The following RERE variants were observed in gnomAD, a reference collection of about 807,000 sequenced individuals.
RERE encodes the protein arginine-glutamic acid dipeptide repeats.
In RERE, 40 loss-of-function variants were observed where a neutral mutation model predicts 146.1. The observed-to-expected ratio is 0.27, with a 90% CI of 0.21 to 0.36. The LOEUF (loss-of-function observed/expected upper bound fraction) is 0.36. RERE is among the 10% of genes least tolerant of loss of function. The pLI, the probability that RERE is intolerant of heterozygous loss-of-function variation, is 1.00. For missense variants in RERE, 1,933 were observed against 2,138.7 expected (o/e 0.90, Z 1.90); for synonymous variants, 1,003 against 866.0 (o/e 1.16, Z -2.78).
chr1:8,416,533 C>T (rs2124464360), intron 12 of RERE, among the ~76,000 whole-genome samples: 1 of 148,756 alleles, frequency 6.7e-6, no homozygotes, highest in South Asian at 2.1e-4. Flanking sequence ...TTGCAGTGAG[C>T]CGAGACTGCA....
At chr1:8,488,526 G>A (rs1254706906) in intron 10 of RERE, among the ~76,000 whole-genome samples, 1 of 152,198 alleles carries the variant, frequency 6.6e-6, no homozygotes, top group Non-Finnish European at 1.5e-5. Context: ...GATTATAGGT[G>A]TGAGCCACTG....
At chr1:8,789,407 C>CT (rs1357516316) in intron 1 of RERE, among the ~76,000 whole-genome samples, 1 of 149,966 alleles carries the variant, frequency 6.7e-6, no homozygotes, top group Non-Finnish European at 1.5e-5. Flanking sequence ...TACTACCTCT[C>CT]TTTCCTTCAG....
chr1:8,635,947 T>TTTATCTTATCTTATCTTATCTTATC (rs779134387), intron 2 of RERE, among the ~76,000 whole-genome samples: 2 of 108,348 alleles, frequency 1.8e-5, no homozygotes, highest in Admixed American at 8.6e-5. Context: ...ATTATTTTAT[T>TTTATCTTATCTTATCTTATCTTATC]TTATCTTATC....
chr1:8,371,897 T>C (rs1453256459), intron 12 of RERE, among the ~76,000 whole-genome samples: 2 of 152,346 alleles, frequency 1.3e-5, no homozygotes, highest in East Asian at 3.9e-4. Flanking sequence ...TGGGTGCCCC[T>C]GTGTATGTGC....
At chr1:8,436,540 A>G (rs1644172706) in intron 11 of RERE, among the ~76,000 whole-genome samples, 1 of 152,166 alleles carries the variant, frequency 6.6e-6, no homozygotes, top group Admixed American at 6.5e-5. Flanking sequence ...AGAAATGTGG[A>G]TTGTCTAGAA....
chr1:8,438,491 T>C (rs915060058), intron 11 of RERE, among the ~76,000 whole-genome samples: 5 of 152,216 alleles, frequency 3.3e-5, no homozygotes, highest in African/African-American at 2.4e-5. Context: ...ACAGAAGGTA[T>C]AGGGATTTCC....
At chr1:8,509,434 A>ATCCATCCG (rs986611275) in intron 7 of RERE, among the ~76,000 whole-genome samples, 11 of 115,832 alleles carry the variant, frequency 9.5e-5, no homozygotes, top group African/African-American at 2.6e-4. Flanking sequence ...CCATCCATCC[A>ATCCATCCG]TCCGTCCGTC....
chr1:8,426,802 C>T (rs1644020109), intron 11 of RERE, among the ~76,000 whole-genome samples: 1 of 152,184 alleles, frequency 6.6e-6, no homozygotes, highest in Non-Finnish European at 1.5e-5. Context: ...ACCTCTGTCT[C>T]AACTCCAGAA....
At chr1:8,575,401 A>G (rs1311994681) in intron 4 of RERE, among the ~76,000 whole-genome samples, 1 of 142,708 alleles carries the variant, frequency 7.0e-6, no homozygotes, top group Admixed American at 6.9e-5. Context: ...TTTTTTTTTT[A>G]AAGACACTGT....
chr1:8,764,942 T>G (rs563044572), intron 1 of RERE, among the ~76,000 whole-genome samples: 1 of 152,312 alleles, frequency 6.6e-6, no homozygotes, highest in East Asian at 1.9e-4. Flanking sequence ...TTTGTCAGTT[T>G]CTCAAAATGT....
chr1:8,783,782 T>G (rs1569788826), intron 1 of RERE, among the ~76,000 whole-genome samples: 1 of 152,084 alleles, frequency 6.6e-6, no homozygotes, highest in African/African-American at 2.4e-5. Context: ...ACCTTTACAT[T>G]CCCCCAGCCC....
Position 8,622,485 on chromosome 1 carries a change from T to G in RERE, c.396+1825A>C, listed in dbSNP as rs1435735144. Among the ~76,000 whole-genome samples the G allele has an allele frequency of 1.7e-4, 12 of 69,420 alleles. No homozygotes were observed. In the Admixed American group the frequency reaches 1.8e-3, roughly 11 times the overall value. The allele number at this position is 69,420 out of a possible 152,430, so 45.5% of individuals were successfully genotyped here. A position where few individuals can be genotyped will look rare whatever the true frequency, so the allele number is the denominator to read the frequency against. On this transcript the variant is annotated intron_variant, in intron 3 of 22. Transcript: ENST00000400908. ...TTTCAGGTGTCAGTGCTGTATCTGT[T>G]TAAAAAAAAAAAAAAAAAAAAAAAA...
intron 3 of RERE, among the ~76,000 whole-genome samples, chr1:8,614,953 A>C (rs1433281782): frequency 6.6e-6 from 1 of 152,220 alleles, no homozygotes; most frequent in Non-Finnish European, 1.5e-5. Context: ...TGTGCCCCTC[A>C]AAATAACCAA....
intron 1 of RERE, among the ~76,000 whole-genome samples, chr1:8,758,213 G>A: frequency 6.6e-6 from 1 of 151,798 alleles, no homozygotes; most frequent in Non-Finnish European, 1.5e-5. Flanking sequence ...AGTCTCTCGA[G>A]TAGCTGGGAT....
At chr1:8,642,278 C>T (rs1480199597) in intron 2 of RERE, among the ~76,000 whole-genome samples, 2 of 152,138 alleles carry the variant, frequency 1.3e-5, no homozygotes, top group Non-Finnish European at 2.9e-5. Flanking sequence ...ACTCTTATCC[C>T]CATTTTATTG....
intron 1 of RERE, among the ~76,000 whole-genome samples, chr1:8,755,129 G>A (rs1640610001): frequency 6.6e-6 from 1 of 152,228 alleles, no homozygotes; most frequent in African/African-American, 2.4e-5. Context: ...ATGGCAAGAG[G>A]GAAACAGCAG....
At chr1:8,477,583 G>C (rs934658105) in intron 10 of RERE, among the ~76,000 whole-genome samples, 1 of 152,196 alleles carries the variant, frequency 6.6e-6, no homozygotes, top group Non-Finnish European at 1.5e-5. Context: ...ATCTCACGTA[G>C]GCACTAGTGA....
At chr1:8,576,927 T>C (rs1330309569) in intron 4 of RERE, among the ~76,000 whole-genome samples, 2 of 152,186 alleles carry the variant, frequency 1.3e-5, no homozygotes, top group African/African-American at 4.8e-5. Context: ...CCCAGCACTG[T>C]GGGAGGCCGA....
chr1:8,559,280 CAAAAAA>C (rs548075266), intron 4 of RERE, among the ~76,000 whole-genome samples: 1,013 of 12,106 alleles, frequency 0.084, 35 homozygotes, highest in Middle Eastern at 0.25. Context: ...AACTCCAGCT[CAAAAAA>C]AAAAAAAAAA....
Sources: allele counts gnomAD v4.1 joint callset (sites outside exome capture counted in the v4.1 genomes callset), GRCh38; gene constraint gnomAD v4.1.1; transcripts MANE v1.5; gene names NCBI Gene and HGNC (gene_info 2026-07-23, HGNC 2026-07-21).